SORCS1: variants seen among roughly 807,000 people sequenced by gnomAD.
SORCS1 encodes the protein VPS10 domain-containing receptor SorCS1.
SORCS1 carries 60 observed loss-of-function variants against 146.1 expected under a neutral mutation model. The observed-to-expected ratio is 0.41, with a 90% CI of 0.33 to 0.51. The LOEUF (loss-of-function observed/expected upper bound fraction) is 0.51, where lower values mean the gene tolerates loss of function less well. Among genes scored for constraint, SORCS1 ranks in the 20% least tolerant of loss-of-function variants. The probability of loss-of-function intolerance (pLI) is 0.21; values close to 1 mark genes in which losing one functional copy is unlikely to be tolerated. For synonymous variants in SORCS1, 637 were observed against 584.0 expected (o/e 1.09, Z -1.31); for missense variants, 1,352 against 1,487.6 (o/e 0.91, Z 1.50).
the SORCS1 span, among the ~76,000 whole-genome samples, chr10:107,171,893 C>T: frequency 6.6e-6 from 1 of 152,102 alleles, no homozygotes. Context: ...TAATAAGCTG[C>T]CTAGATGTAG....
At chr10:106,991,842 A>G (rs1450979270) in intron 1 of SORCS1, among the ~76,000 whole-genome samples, 1 of 152,130 alleles carries the variant, frequency 6.6e-6, no homozygotes, top group African/African-American at 2.4e-5. Flanking sequence ...TCATTTTTGC[A>G]TTTTCCTTTT....
At chr10:106,858,607 CAAAAAAAA>C (rs71482495) in intron 2 of SORCS1, among the ~76,000 whole-genome samples, 10 of 81,156 alleles carry the variant, frequency 1.2e-4, no homozygotes, top group African/African-American at 4.4e-4. Flanking sequence ...GCCTCTGTCT[CAAAAAAAA>C]AAAAAAAAAA....
intron 19 of SORCS1, 123 bp from the exon 20 acceptor site, chr10:106,620,684 A>G (rs945749619): frequency 5.7e-6 from 7 of 1,224,514 alleles, no homozygotes; most frequent in Non-Finnish European, 6.6e-6. Flanking sequence ...CATATTCCCC[A>G]AAAGAAGTGT....
At position 107,164,527 on chromosome 10, in the gene SORCS1, C is replaced by A. The variant is rs554526340; in HGVS notation, c.-1G>T. 251 of 1,343,956 alleles carry A rather than the reference C, an allele frequency of 1.9e-4. 1 individual carries two copies. In the East Asian group the frequency reaches 7.0e-3, roughly 38 times the overall value. 83.3% of individuals were successfully genotyped at this position (1,343,956 alleles called of 1,614,324 possible). A position where few individuals can be genotyped will look rare whatever the true frequency, so the allele number is the denominator to read the frequency against. ...CGCCGCCGGCGCCAACTTTTCCCAT[C>A]GCGGGAGCGAAGAGCAGCGGAGAGA... On this transcript the variant is annotated 5_prime_UTR_variant, in exon 1 of 26. Transcript: ENST00000263054. This position sits in a 1 kb window ranked among gnomAD's most constrained non-coding sequence, Gnocchi z 6.8.
intron 1 of SORCS1, among the ~76,000 whole-genome samples, chr10:107,006,613 C>G: frequency 6.6e-6 from 1 of 152,120 alleles, no homozygotes; most frequent in Non-Finnish European, 1.5e-5. Context: ...GTCAGGAGAT[C>G]GAGACCATCC....
chr10:106,686,447 G>C (rs954809687), intron 10 of SORCS1, among the ~76,000 whole-genome samples: 1 of 152,176 alleles, frequency 6.6e-6, no homozygotes, highest in African/African-American at 2.4e-5. Flanking sequence ...AATCTCCAAA[G>C]TGCAGAGTAG....
chr10:107,112,749 A>T (rs1965777034), intron 1 of SORCS1, among the ~76,000 whole-genome samples: 1 of 152,224 alleles, frequency 6.6e-6, no homozygotes, highest in Admixed American at 6.5e-5. Flanking sequence ...ATATCAGACA[A>T]CATAGATTTT....
intron 9 of SORCS1, among the ~76,000 whole-genome samples, chr10:106,698,791 G>A (rs912958295): frequency 1.3e-5 from 2 of 152,208 alleles, no homozygotes; most frequent in Admixed American, 6.5e-5. Flanking sequence ...CAAATGGAGT[G>A]TCTTCTGCTG....
At chr10:107,130,745 T>A (rs1966858004) in intron 1 of SORCS1, among the ~76,000 whole-genome samples, 1 of 152,206 alleles carries the variant, frequency 6.6e-6, no homozygotes. Flanking sequence ...TTTCTTTTTT[T>A]TTTTTTAATC....
At position 107,058,107 on chromosome 10, in the gene SORCS1, T is replaced by C. The variant is rs187174969; in HGVS notation, c.559-101527A>G. On this transcript the variant is annotated intron_variant, in intron 1 of 25. Transcript: ENST00000263054. ...CCCAGGCTGGAGTGCAGTGGTGCGA[T>C]CTTGGCTCACTGCAAACTCCACCTC... 6.3e-3 allele frequency among the ~76,000 whole-genome samples: 953 copies of C among 152,290 alleles called. 2 individuals are homozygous for C. The highest frequency in any genetic ancestry group is 0.022 in the African/African-American group (909 of 41,552).
At chr10:106,837,661 T>A (rs991684782) in intron 2 of SORCS1, among the ~76,000 whole-genome samples, 3 of 151,276 alleles carry the variant, frequency 2.0e-5, no homozygotes, top group Non-Finnish European at 2.9e-5. Context: ...ATTTCATGTA[T>A]AATTTGCATT....
intron 1 of SORCS1, among the ~76,000 whole-genome samples, chr10:107,102,636 A>G (rs1286477211): frequency 1.3e-5 from 2 of 152,192 alleles, no homozygotes; most frequent in African/African-American, 4.8e-5. Flanking sequence ...AAAGGAGGAA[A>G]AAGCCTTACA....
chr10:106,703,006 A>T (rs1420779853), intron 8 of SORCS1, among the ~76,000 whole-genome samples: 1 of 152,206 alleles, frequency 6.6e-6, no homozygotes, highest in Non-Finnish European at 1.5e-5. Flanking sequence ...TAAACCTTCA[A>T]CACACCAGTG....
intron 23 of SORCS1, among the ~76,000 whole-genome samples, chr10:106,598,020 G>A (rs1846008953): frequency 6.6e-6 from 1 of 152,040 alleles, no homozygotes; most frequent in Non-Finnish European, 1.5e-5. Flanking sequence ...CTGACACACG[G>A]ATACCGGGCA....
chr10:106,838,306 C>A (rs1948870228), intron 2 of SORCS1, among the ~76,000 whole-genome samples: 1 of 152,122 alleles, frequency 6.6e-6, no homozygotes, highest in African/African-American at 2.4e-5. Context: ...TTCAGGTCCA[C>A]AGCAAAACAG....
chr10:106,615,347 G>T (rs2133448439), intron 21 of SORCS1, among the ~76,000 whole-genome samples: 1 of 152,260 alleles, frequency 6.6e-6, no homozygotes, highest in East Asian at 1.9e-4. Flanking sequence ...CACACAGATG[G>T]TCTAATCACA....
chr10:106,715,851 C>T (rs559195016), intron 6 of SORCS1, among the ~76,000 whole-genome samples: 9 of 152,116 alleles, frequency 5.9e-5, no homozygotes, highest in Admixed American at 3.9e-4. Flanking sequence ...CTCCCGAGTT[C>T]AAACAATTCT....
At chr10:107,058,875 A>G (rs1267473104) in intron 1 of SORCS1, among the ~76,000 whole-genome samples, 1 of 152,220 alleles carries the variant, frequency 6.6e-6, no homozygotes, top group African/African-American at 2.4e-5. Context: ...AAAGCATTTC[A>G]AATCTTACTC....
chr10:107,035,673 C>CTGTCAATGGAAAAGCT (rs1958877559), intron 1 of SORCS1, among the ~76,000 whole-genome samples: 1 of 152,122 alleles, frequency 6.6e-6, no homozygotes, highest in South Asian at 2.1e-4. Flanking sequence ...CTTGCTTTGC[C>CTGTCAATGGAAAAGCT]TGTCAATGGA....
Sources: allele counts gnomAD v4.1 joint callset (sites outside exome capture counted in the v4.1 genomes callset), GRCh38; gene constraint gnomAD v4.1.1; non-coding constraint Gnocchi (gnomAD v3.1); transcripts MANE v1.5; gene names NCBI Gene and HGNC (gene_info 2026-07-23, HGNC 2026-07-21).